The following BANK1 variants were observed in gnomAD, a reference collection of about 807,000 sequenced individuals.
The protein encoded by BANK1 is B-cell scaffold protein with ankyrin repeats.
In BANK1, 95 loss-of-function variants were observed where a neutral mutation model predicts 94.5. The ratio of observed to expected loss-of-function variants is 1.00; its 90% CI spans 0.85 to 1.19. BANK1 has a LOEUF of 1.19. BANK1 is among the 50% of genes most tolerant of loss of function. BANK1 has a pLI of 0.00. For synonymous variants in BANK1, 334 were observed against 308.4 expected (o/e 1.08, Z -0.87); for missense variants, 987 against 932.2 (o/e 1.06, Z -0.77).
intron 7 of BANK1, 43 bp downstream of exon 7, chr4:101,918,232 A>C: frequency 7.3e-7 from 1 of 1,368,224 alleles, no homozygotes; most frequent in South Asian, 1.6e-5. Flanking sequence ...ATTCTGTTTG[A>C]TATTGTAGAA....
At chr4:101,811,280 T>C (rs550351252) in intron 1 of BANK1, among the ~76,000 whole-genome samples, 173 of 152,302 alleles carry the variant, frequency 1.1e-3, no homozygotes, top group African/African-American at 4.0e-3. Flanking sequence ...TATTTTATGG[T>C]CTCACTTTAT....
At chr4:101,974,631 ACTGTAG>A (rs1213522384) in intron 7 of BANK1, among the ~76,000 whole-genome samples, 1 of 151,996 alleles carries the variant, frequency 6.6e-6, no homozygotes, top group Non-Finnish European at 1.5e-5. Flanking sequence ...TACATTTTAA[ACTGTAG>A]CTCTTGTGTT....
At position 101,853,352 on chromosome 4, in the gene BANK1, T is replaced by C. The variant is rs116645745; in HGVS notation, c.470-1683T>C. On this transcript the variant is annotated intron_variant, in intron 2 of 16. Transcript: ENST00000322953. ...CCTATATGGAGCTGGTGACTTCTCT[T>C]TTTTTTGGATACAGTGAGACCAATA... 4.0e-3 allele frequency among the ~76,000 whole-genome samples: 612 copies of C among 152,284 alleles called. 3 individuals carry two copies. Among genetic ancestry groups the C allele is most frequent in the African/African-American group, 0.014 (579 of 41,574 alleles).
chr4:101,877,703 G>A (rs967531609), intron 5 of BANK1, among the ~76,000 whole-genome samples: 1 of 152,032 alleles, frequency 6.6e-6, no homozygotes, highest in Non-Finnish European at 1.5e-5. Flanking sequence ...TGGCCATCAT[G>A]GTGAAACTCC....
intron 7 of BANK1, among the ~76,000 whole-genome samples, chr4:101,979,734 G>A (rs1052587083): frequency 8.6e-5 from 13 of 151,736 alleles, no homozygotes; most frequent in Non-Finnish European, 1.5e-4. Context: ...AAATAAATAT[G>A]TATATTTTGA....
Position 101,895,243 on chromosome 4 carries a change from T to C in BANK1, c.904-62T>C, listed in dbSNP as rs191408383. The C allele has an allele frequency of 3.7e-3, 3,479 of 944,282 alleles. 15 individuals carry two copies. The highest frequency in any genetic ancestry group is 4.7e-3 in the Non-Finnish European group (2,928 of 626,692). 58.5% of individuals were successfully genotyped at this position (944,282 alleles called of 1,614,324 possible). A position where few individuals can be genotyped will look rare whatever the true frequency, so the allele number is the denominator to read the frequency against. The stretch of plus-strand genomic sequence containing the variant: ...TTAATAAATTTTTGTTAAATTGCAC[T>C]AAAATGAGTTTCTATGTAAATAATT... On this transcript the variant is annotated intron_variant, in intron 5 of 16. Transcript: ENST00000322953.
intron 5 of BANK1, among the ~76,000 whole-genome samples, chr4:101,874,553 A>G (rs952820867): frequency 6.6e-6 from 1 of 152,208 alleles, no homozygotes; most frequent in Non-Finnish European, 1.5e-5. Context: ...GCTTTACCAT[A>G]CATCAGTGTT....
At chr4:101,839,936 AATTTTTTTTTT>A (rs1726968410) in intron 2 of BANK1, among the ~76,000 whole-genome samples, 2 of 78,948 alleles carry the variant, frequency 2.5e-5, no homozygotes, top group African/African-American at 9.2e-5. Context: ...TCAAATATTT[AATTTTTTTTTT>A]TTTTTTTTTT....
chr4:101,886,813 T>G (rs1728874311), intron 5 of BANK1, among the ~76,000 whole-genome samples: 1 of 151,918 alleles, frequency 6.6e-6, no homozygotes, highest in Admixed American at 6.6e-5. Flanking sequence ...CAGTCATTAC[T>G]CCAGAAGTGT....
At chr4:101,808,843 TA>T (rs1440937821) in intron 1 of BANK1, among the ~76,000 whole-genome samples, 1 of 152,008 alleles carries the variant, frequency 6.6e-6, no homozygotes, top group African/African-American at 2.4e-5. Flanking sequence ...ATTAAAAAGT[TA>T]AAAAAATAGA....
intron 5 of BANK1, among the ~76,000 whole-genome samples, chr4:101,872,998 G>GAA (rs992235435): frequency 9.4e-6 from 1 of 106,472 alleles, no homozygotes; most frequent in Non-Finnish European, 2.1e-5. Context: ...AAAAACTAAA[G>GAA]AAAAAAAAAA....
intron 5 of BANK1, among the ~76,000 whole-genome samples, chr4:101,875,366 A>G (rs974079979): frequency 6.6e-6 from 1 of 152,206 alleles, no homozygotes; most frequent in Non-Finnish European, 1.5e-5. Flanking sequence ...ACTACCTGAT[A>G]CTGGGTAATT....
At chr4:101,818,687 T>G (rs1393486903) in intron 1 of BANK1, among the ~76,000 whole-genome samples, 1 of 152,116 alleles carries the variant, frequency 6.6e-6, no homozygotes, top group African/African-American at 2.4e-5. Context: ...TTACAGTTGT[T>G]CTATTTTATT....
chr4:101,973,682 GA>G (rs1160603856), intron 7 of BANK1, among the ~76,000 whole-genome samples: 8 of 151,950 alleles, frequency 5.3e-5, no homozygotes, highest in African/African-American at 1.9e-4. Flanking sequence ...TTCACATTAT[GA>G]AAAAATCCCC....
intron 4 of BANK1, among the ~76,000 whole-genome samples, chr4:101,867,161 AT>A (rs1728103111): frequency 7.1e-6 from 1 of 140,426 alleles, no homozygotes; most frequent in African/African-American, 2.7e-5. Context: ...AACTTAGAGT[AT>A]AATAAAAAAA....
chr4:102,005,287 A>G (rs1468026321), intron 7 of BANK1, among the ~76,000 whole-genome samples: 1 of 152,110 alleles, frequency 6.6e-6, no homozygotes, highest in Non-Finnish European at 1.5e-5. Context: ...TATCAACATC[A>G]ATCTGTGATC....
intron 2 of BANK1, among the ~76,000 whole-genome samples, chr4:101,843,199 A>G (rs1727123487): frequency 6.6e-6 from 1 of 152,132 alleles, no homozygotes; most frequent in Admixed American, 6.5e-5. Context: ...TAGTACACCT[A>G]CTTTCCCCTT....
rs190028290 is a variant in BANK1, at chr4:102,056,978, C to T, written c.1970-3233C>T. Among the ~76,000 whole-genome samples the T allele has an allele frequency of 1.9e-4, 29 of 152,226 alleles. No homozygotes were observed. The East Asian group carries it at 5.0e-3, about 26-fold the overall frequency. Reference sequence around the variant, plus strand: ...CGAGATCACGCCACTGCACTCCAGCCAGGGAGATGGAGACTGCCTCAAAAC... The same window carrying T: ...CGAGATCACGCCACTGCACTCCAGCTAGGGAGATGGAGACTGCCTCAAAAC... On this transcript the variant is annotated intron_variant, in intron 11 of 16. Transcript: ENST00000322953.
chr4:101,877,196 A>G (rs2148883831), intron 5 of BANK1, among the ~76,000 whole-genome samples: 1 of 152,308 alleles, frequency 6.6e-6, no homozygotes, highest in South Asian at 2.1e-4. Context: ...TCCAAACATG[A>G]GAAAGTTATA....
Sources: allele counts gnomAD v4.1 joint callset (sites outside exome capture counted in the v4.1 genomes callset), GRCh38; gene constraint gnomAD v4.1.1; transcripts MANE v1.5; gene names NCBI Gene and HGNC (gene_info 2026-07-23, HGNC 2026-07-21).